ATP2B3: variants seen among roughly 807,000 people sequenced by gnomAD.
ATP2B3 encodes the protein ATPase plasma membrane Ca2+ transporting 3.
In ATP2B3, 12 loss-of-function variants were observed where a neutral mutation model predicts 70.8. The ratio of observed to expected loss-of-function variants is 0.17; its 90% CI spans 0.11 to 0.27. The LOEUF is 0.27. Among genes scored for constraint, ATP2B3 ranks in the 10% least tolerant of loss-of-function variants. The pLI is 1.00. For missense variants in ATP2B3, 858 were observed against 1,118.5 expected, an observed-to-expected ratio of 0.77 and a Z score of 3.32; for synonymous variants, 460 against 497.8, an observed-to-expected ratio of 0.92 and a Z score of 1.01.
chrX:153,519,690 C>G (rs1250856501), intron 2 of ATP2B3, among the ~76,000 whole-genome samples: 1 of 112,718 alleles, frequency 8.9e-6, no homozygotes, highest in Non-Finnish European at 1.9e-5. Flanking sequence ...CTGCAGGCCC[C>G]GAGGCGGGGG....
rs1483110402 is a variant in ATP2B3, at chrX:153,580,336, G to A, written c.*38G>A. 3 of 1,144,499 alleles carry A rather than the reference G, an allele frequency of 2.6e-6. No individual in the cohort carries two copies. Among genetic ancestry groups the A allele is most frequent in the East Asian group, 3.0e-5 (1 of 33,283 alleles). 94.3% of individuals were successfully genotyped at this position (1,144,499 alleles called of 1,213,427 possible). ...TCAGCACATGCGCACACGCACACTC[G>A]GACTCACACGAAGTCACACGCACAC... On this transcript the variant is annotated 3_prime_UTR_variant, in exon 22 of 22. Coordinates refer to ENST00000263519, the MANE Select transcript of ATP2B3 (RefSeq NM_001001344.3).
Position 153,527,953 on chromosome X carries a change from G to A in ATP2B3, c.-126-8169G>A, listed in dbSNP as rs782287236. Among the ~76,000 whole-genome samples the A allele has an allele frequency of 4.4e-5, 5 of 112,709 alleles. No individual in the cohort carries two copies. The South Asian group carries it at 1.8e-3, about 41-fold the overall frequency. On this transcript the variant is annotated intron_variant, in intron 2 of 21. Transcript: ENST00000263519. ...CCGGGAAAATGGGCCCAGTCCCCTG[G>A]GGACCAGCCTCAGGGTGTGTGGGCA... is the stretch of plus-strand genomic sequence containing the variant.
intron 10 of ATP2B3, 41 bp from the exon 11 acceptor site, chrX:153,549,456 C>T: frequency 8.3e-7 from 1 of 1,207,353 alleles, no homozygotes; most frequent in Non-Finnish European, 1.1e-6. Context: ...TCCACCCCAA[C>T]AAGCACCTGG....
chrX:153,517,674 G>C lies in ATP2B3; in HGVS notation c.-448G>C, dbSNP rs1296681106. ...CGGTTGGAGCCGAGCGCGCCGCGTC[G>C]CCCGCCGCCGGTGCAGAGCGTGGGG... is the stretch of plus-strand genomic sequence containing the variant. On this transcript the variant is annotated 5_prime_UTR_variant, in exon 1 of 22. Coordinates refer to ENST00000263519, the MANE Select transcript of ATP2B3 (RefSeq NM_001001344.3). The C allele has an allele frequency of 8.4e-5, 9 of 106,867 alleles. No individual in the cohort carries two copies. The highest frequency in any genetic ancestry group is 3.9e-5 in the Non-Finnish European group (2 of 51,129). The allele number at this position is 106,867 out of a possible 1,213,427, so 8.8% of individuals were successfully genotyped here.
At chrX:153,549,788 G>A (rs1603073285) in intron 11 of ATP2B3, 49 bp downstream of exon 11, 3 of 1,174,265 alleles carry the variant, frequency 2.6e-6, no homozygotes, top group South Asian at 3.8e-5. Flanking sequence ...AGGAGCAGGG[G>A]AGGGTCCTGG....
intron 7 of ATP2B3, among the ~76,000 whole-genome samples, chrX:153,544,993 C>T (rs372590263): frequency 1.0e-3 from 118 of 112,927 alleles, no homozygotes; most frequent in African/African-American, 3.7e-3. Flanking sequence ...ATCTTGTGTC[C>T]GTGGGGGTCT....
At chrX:153,564,580 C>A (rs2090674698) in intron 20 of ATP2B3, among the ~76,000 whole-genome samples, 1 of 113,053 alleles carries the variant, frequency 8.8e-6, no homozygotes, top group Non-Finnish European at 1.9e-5. Context: ...GGAGGATCCG[C>A]TTATCTCTGT....
chrX:153,564,772 G>A, intron 20 of ATP2B3, 149 bp from the exon 21 acceptor site: 1 of 597,599 alleles, frequency 1.7e-6, no homozygotes, highest in Non-Finnish European at 2.5e-6. Context: ...CGGGGGGACT[G>A]CTCTAGCTTT....
In ATP2B3 at chrX:153,541,565, C is replaced by A. The variant is rs377067424; in HGVS notation, c.406+9C>A. 30 of 1,208,734 alleles carry A rather than the reference C, an allele frequency of 2.5e-5. No homozygotes were observed. In the African/African-American group the frequency reaches 4.9e-4, roughly 20 times the overall value. ...AGGAGAGGAGAGTGAAGGTAAGGCC[C>A]GGGGGCCTGGGCTGGAAGGAGGAAG... On this transcript the variant is annotated intron_variant, in intron 4 of 21. Coordinates refer to ENST00000263519, the MANE Select transcript of ATP2B3 (RefSeq NM_001001344.3).
In ATP2B3 at chrX:153,562,281, CA is replaced by C. The variant is rs1288848660; in HGVS notation, c.3159+40del. On this transcript the variant is annotated intron_variant, in intron 20 of 21. Coordinates refer to ENST00000263519, the MANE Select transcript of ATP2B3 (RefSeq NM_001001344.3). ...CTGCCCCTCATTTCAGACTGCCCTG[CA>C]GACAGCTTCTGTGATGGGCCCACTT... 4.4e-6 allele frequency: 5 copies of C among 1,142,541 alleles called. 1 individual carries two copies. Among genetic ancestry groups the C allele is most frequent in the Non-Finnish European group, 6.0e-6 (5 of 839,354 alleles). 94.2% of individuals were successfully genotyped at this position (1,142,541 alleles called of 1,213,427 possible).
intron 20 of ATP2B3, among the ~76,000 whole-genome samples, chrX:153,563,524 T>A (rs1331103319): frequency 8.9e-6 from 1 of 112,234 alleles, no homozygotes; most frequent in Non-Finnish European, 1.9e-5. Flanking sequence ...GGCCCCAGCA[T>A]TAGTGTCCTC....
chrX:153,544,679 G>A (rs900831026), intron 7 of ATP2B3, among the ~76,000 whole-genome samples: 6 of 111,313 alleles, frequency 5.4e-5, no homozygotes, highest in African/African-American at 1.3e-4. Flanking sequence ...CCAGGTACAC[G>A]CTTAGGATAC....
At chrX:153,542,286 C>T (rs898394971) in intron 5 of ATP2B3, 37 bp from the exon 6 acceptor site, 3 of 1,205,870 alleles carry the variant, frequency 2.5e-6, no homozygotes, top group East Asian at 3.0e-5. Flanking sequence ...CGGGAGGAGG[C>T]GGTGGGGAGA....
At chrX:153,548,063 G>A (rs1183352889) in intron 9 of ATP2B3, 64 bp downstream of exon 9, 1 of 1,134,986 alleles carries the variant, frequency 8.8e-7, no homozygotes, top group African/African-American at 1.8e-5. Flanking sequence ...CTGGGCTCCT[G>A]GAGATGAGCC....
chrX:153,560,869 G>A lies in ATP2B3; in HGVS notation c.3033G>A (p.Leu1011=). Residue 1011 remains leucine, a synonymous_variant, in exon 19 of 22, where the codon TTG becomes TTA. Coordinates refer to ENST00000263519, the MANE Select transcript of ATP2B3 (RefSeq NM_001001344.3). The part of the protein sequence containing the change: ...FSNPIFCTIV[L]GTFGIQIVIV... ...ACCCCATCTTCTGCACCATCGTTTT[G>A]GGCACTTTCGGGATTCAGGTAGGAG... is the stretch of plus-strand genomic sequence containing the variant. 2.5e-6 allele frequency: 3 copies of A among 1,211,398 alleles called. No individual in the cohort carries two copies. The highest frequency in any genetic ancestry group is 2.2e-6 in the Non-Finnish European group (2 of 895,327).
chrX:153,547,106 C>T (rs1320370422), intron 8 of ATP2B3, among the ~76,000 whole-genome samples: 1 of 111,536 alleles, frequency 9.0e-6, no homozygotes, highest in Non-Finnish European at 1.9e-5. Flanking sequence ...GTCGCTGCGT[C>T]GGTCCCGGGG....
At chrX:153,527,693 G>C (rs1215669223) in intron 2 of ATP2B3, among the ~76,000 whole-genome samples, 3 of 112,405 alleles carry the variant, frequency 2.7e-5, no homozygotes, top group Non-Finnish European at 5.6e-5. Flanking sequence ...GGGAGTCCGG[G>C]CAAGCTTGGG....
chrX:153,532,637 C>T (rs1229357231), intron 2 of ATP2B3, among the ~76,000 whole-genome samples: 1 of 112,221 alleles, frequency 8.9e-6, no homozygotes, highest in East Asian at 2.8e-4. Flanking sequence ...GGTGCAAATG[C>T]CGGAAGGTGC....
At chrX:153,531,859 G>T (rs1182002042) in intron 2 of ATP2B3, among the ~76,000 whole-genome samples, 1 of 112,372 alleles carries the variant, frequency 8.9e-6, no homozygotes, top group African/African-American at 3.2e-5. Flanking sequence ...AGAGAATGGC[G>T]TGAATCCCGA....
Sources: allele counts gnomAD v4.1 joint callset (sites outside exome capture counted in the v4.1 genomes callset), GRCh38; gene constraint gnomAD v4.1.1; transcripts MANE v1.5; gene names NCBI Gene and HGNC (gene_info 2026-07-23, HGNC 2026-07-21).